SPATA6L: variants seen among roughly 807,000 people sequenced by gnomAD.
SPATA6L encodes spermatogenesis associated 6 like, also known as spermatogenesis associated 6-like protein.
In SPATA6L, 68 loss-of-function variants were observed where a neutral mutation model predicts 49.2. The ratio of observed to expected loss-of-function variants is 1.38; its 90% CI spans 1.14 to 1.69. SPATA6L has a LOEUF of 1.69. Ranked by LOEUF, SPATA6L falls within the 40% of genes most tolerant of loss-of-function variation. SPATA6L has a pLI of 0.00. For missense variants in SPATA6L, 668 were observed against 464.3 expected (o/e 1.44, Z -4.03); for synonymous variants, 198 against 165.7 (o/e 1.19, Z -1.50).
rs140597002 is a variant in SPATA6L at position 4,589,946 on chromosome 9, C to T, written c.*255-985G>A. Reference sequence around the variant, plus strand: ...AACTATATATTTATATATTTTGACACGGAGTCTCACTCTGTCACCGAGGCT... The same window carrying T: ...AACTATATATTTATATATTTTGACATGGAGTCTCACTCTGTCACCGAGGCT... On this transcript the variant is annotated intron_variant and NMD_transcript_variant, in intron 13 of 13. Coordinates refer to the SPATA6L transcript ENST00000461761. 5.9e-3 allele frequency among the ~76,000 whole-genome samples: 892 copies of T among 152,272 alleles called. 4 individuals carry two copies. The highest frequency in any genetic ancestry group is 0.011 in the Admixed American group (174 of 15,306).
chr9:4,604,954 T>C (rs138488930), intron 10 of SPATA6L, among the ~76,000 whole-genome samples: 1 of 152,212 alleles, frequency 6.6e-6, no homozygotes, highest in African/African-American at 2.4e-5. Context: ...GTTGTGGCCT[T>C]ACATAGCTCA....
chr9:4,651,594 C>A (rs1214261542), intron 3 of SPATA6L, among the ~76,000 whole-genome samples: 1 of 152,172 alleles, frequency 6.6e-6, no homozygotes, highest in African/African-American at 2.4e-5. Flanking sequence ...AAATCCTCAA[C>A]ATAATACTAG....
chr9:4,622,221 G>C (rs1262327238), intron 7 of SPATA6L, among the ~76,000 whole-genome samples, 187 bp downstream of exon 7: 1 of 152,194 alleles, frequency 6.6e-6, no homozygotes, highest in Non-Finnish European at 1.5e-5. Context: ...GGAATGCTCA[G>C]ACAGAAGCTT....
chr9:4,625,277 T>C, intron 6 of SPATA6L, 50 bp downstream of exon 6: 2 of 1,577,756 alleles, frequency 1.3e-6, no homozygotes, highest in Non-Finnish European at 1.7e-6. Flanking sequence ...TCCACCCTCA[T>C]CCATATCCTC....
At chr9:4,644,912 G>C (rs992258601) in intron 3 of SPATA6L, among the ~76,000 whole-genome samples, 4 of 152,280 alleles carry the variant, frequency 2.6e-5, no homozygotes, top group African/African-American at 9.6e-5. Flanking sequence ...TAGCACAGGG[G>C]TCACAGACTT....
chr9:4,629,004 T>G, intron 5 of SPATA6L, 87 bp downstream of exon 5: 1 of 865,202 alleles, frequency 1.2e-6, no homozygotes, highest in Non-Finnish European at 1.8e-6. Flanking sequence ...TCATGTAAAC[T>G]TAATAAACTG....
Position 4,648,007 on chromosome 9 carries a change from G to A in SPATA6L, c.226+8034C>T, listed in dbSNP as rs112791184. ...GTACCACAGCGCCCAGCTACTTTTT[G>A]TATTTTTAGTTGAGATGGAGTTTCG... On this transcript the variant is annotated intron_variant, in intron 3 of 11. Transcript: ENST00000682582. Among the ~76,000 whole-genome samples the A allele has an allele frequency of 7.3e-3, 1,117 of 152,022 alleles. 8 individuals are homozygous for A. Among genetic ancestry groups the A allele is most frequent in the African/African-American group, 0.025 (1,047 of 41,464 alleles).
At chr9:4,629,351 G>C (rs1830996271) in intron 4 of SPATA6L, among the ~76,000 whole-genome samples, 183 bp from the exon 5 acceptor site, 1 of 151,994 alleles carries the variant, frequency 6.6e-6, no homozygotes, top group Admixed American at 6.6e-5. Flanking sequence ...TTATGTATCA[G>C]AGCCAGGCCT....
intron 11 of SPATA6L, among the ~76,000 whole-genome samples, chr9:4,601,918 T>A (rs777913220): frequency 1.3e-5 from 2 of 152,208 alleles, no homozygotes; most frequent in Non-Finnish European, 1.5e-5. Flanking sequence ...AATGCCCCGT[T>A]TGCTTAAGAC....
chr9:4,600,468 A>T lies in SPATA6L; in HGVS notation c.*343T>A, dbSNP rs1292542215. Reference sequence around the variant, plus strand: ...CTCATATATAATTAATTTGAGAGAGAGAGACAGAGAGAGCCAGAGAGAGCC... The same window carrying T: ...CTCATATATAATTAATTTGAGAGAGTGAGACAGAGAGAGCCAGAGAGAGCC... On this transcript the variant is annotated 3_prime_UTR_variant, in exon 12 of 12. Transcript: ENST00000682582. 8.5e-6 allele frequency: 1 copy of T among 117,702 alleles called. No individual in the cohort carries two copies. The highest frequency in any genetic ancestry group is 1.8e-5 in the Non-Finnish European group (1 of 54,346). 7.3% of individuals were successfully genotyped at this position (117,702 alleles called of 1,614,324 possible). A position where few individuals can be genotyped will look rare whatever the true frequency, so the allele number is the denominator to read the frequency against.
intron 1 of SPATA6L, chr9:4,664,297 G>T (rs534219740): frequency 6.0e-6 from 1 of 166,842 alleles, no homozygotes; most frequent in Non-Finnish European, 1.5e-5. Flanking sequence ...GAAAAGGAAC[G>T]TCTTCTCAAT....
At position 4,654,403 on chromosome 9, in the gene SPATA6L, C is replaced by T. The variant is rs1837621583; in HGVS notation, c.226+1638G>A. 2.0e-5 allele frequency among the ~76,000 whole-genome samples: 3 copies of T among 152,144 alleles called. 1 individual carries two copies. In the South Asian group the frequency reaches 6.2e-4, roughly 32 times the overall value. ...ACGGGGGCAGGCTGTGGGGTTCCGACCCCATAGCACTATCTAGGGGTGAAT... is the reference window on the plus strand; with the variant it reads ...ACGGGGGCAGGCTGTGGGGTTCCGATCCCATAGCACTATCTAGGGGTGAAT... On this transcript the variant is annotated intron_variant, in intron 3 of 11. Coordinates refer to ENST00000682582, the MANE Select transcript of SPATA6L (RefSeq NM_001353486.2).
Position 4,618,047 on chromosome 9 carries a change from T to G in SPATA6L, c.871A>C (p.Ser291Arg), listed in dbSNP as rs1416390430. Residue 291 changes from serine to arginine, a missense_variant, in exon 9 of 12, where the codon AGT (serine) becomes CGT (arginine). By Grantham distance (110) the Ser-to-Arg change is moderately radical. Coordinates refer to ENST00000682582, the MANE Select transcript of SPATA6L (RefSeq NM_001353486.2). ...CTGGATGAAGACTTTCCAAACTGAC[T>G]TGAATCTAAACATGATGATGAGTCA... ...RSDSSSCLDS[S>R]QFGKSSSSKQ... 1.2e-6 allele frequency: 2 copies of G among 1,613,978 alleles called. No homozygotes were observed. Among genetic ancestry groups the G allele is most frequent in the Non-Finnish European group, 1.7e-6 (2 of 1,179,990 alleles).
intron 7 of SPATA6L, among the ~76,000 whole-genome samples, chr9:4,619,155 C>CTTTTTTT (rs57028759): frequency 3.4e-5 from 4 of 118,160 alleles, no homozygotes; most frequent in Non-Finnish European, 5.2e-5. Context: ...CAGGTTTTCT[C>CTTTTTTT]TTTTTTTTTT....
downstream of SPATA6L, among the ~76,000 whole-genome samples, chr9:4,594,241 G>T (rs1822089101): frequency 6.6e-6 from 1 of 151,936 alleles, no homozygotes; most frequent in South Asian, 2.1e-4. Context: ...TCGGAGTCTC[G>T]CTCTGTCACC....
intron 3 of SPATA6L, among the ~76,000 whole-genome samples, chr9:4,645,396 G>C (rs1051465900): frequency 6.6e-6 from 1 of 152,244 alleles, no homozygotes; most frequent in Middle Eastern, 3.4e-3. Context: ...TACAGTTATG[G>C]AGGCTGAGAA....
intron 3 of SPATA6L, among the ~76,000 whole-genome samples, chr9:4,641,722 T>G (rs1055487495): frequency 1.3e-5 from 2 of 152,196 alleles, no homozygotes; most frequent in Admixed American, 6.5e-5. Context: ...GTTGGCTGAA[T>G]GTACTAAATG....
intron 5 of SPATA6L, chr9:4,628,769 G>A (rs964803820): frequency 2.1e-5 from 4 of 194,472 alleles, no homozygotes; most frequent in Non-Finnish European, 4.0e-5. Context: ...GGAAACTGTT[G>A]TTCATAAGAT....
chr9:4,655,157 T>G (rs985742062), intron 3 of SPATA6L, among the ~76,000 whole-genome samples: 4 of 152,202 alleles, frequency 2.6e-5, no homozygotes, highest in Non-Finnish European at 4.4e-5. Flanking sequence ...GTCCATCAAT[T>G]GATGACTAGA....
Sources: gnomAD v4.1 joint callset for allele counts (sites outside exome capture counted in the v4.1 genomes callset) on GRCh38, gnomAD v4.1.1 for gene constraint, MANE v1.5 for transcripts, NCBI Gene and HGNC (gene_info 2026-07-23, HGNC 2026-07-21) for gene names.